Variants in DLGAP2 observed in about 807,000 individuals in gnomAD.
The protein encoded by DLGAP2 is DLG associated protein 2.
Under a neutral mutation model 100.3 loss-of-function variants are expected in DLGAP2, and 26 were observed. That is an observed-to-expected ratio of 0.26 (90% CI 0.19 to 0.36). The LOEUF is 0.36. Among genes scored for constraint, DLGAP2 ranks in the 10% least tolerant of loss-of-function variants. DLGAP2 has a pLI of 1.00. For synonymous variants in DLGAP2, 886 were observed against 630.1 expected, an observed-to-expected ratio of 1.41 and a Z score of -6.08; for missense variants, 1,858 against 1,453.2, an observed-to-expected ratio of 1.28 and a Z score of -4.53.
intron 3 of DLGAP2, among the ~76,000 whole-genome samples, chr8:1,431,750 C>T (rs934933006): frequency 3.5e-5 from 5 of 143,270 alleles, no homozygotes; most frequent in Admixed American, 1.4e-4. Context: ...ACTCAGCCTT[C>T]CTTTTCTTTA....
intron 1 of DLGAP2, among the ~76,000 whole-genome samples, chr8:866,896 A>G (rs879843428): frequency 3.3e-5 from 5 of 152,038 alleles, no homozygotes; most frequent in Admixed American, 3.3e-4. Context: ...TCGCCCCAAC[A>G]TGCCACGTTC....
intron 2 of DLGAP2, among the ~76,000 whole-genome samples, chr8:1,063,039 C>G (rs1191825058): frequency 1.3e-5 from 2 of 152,182 alleles, no homozygotes; most frequent in African/African-American, 4.8e-5. Context: ...CTGTGTTTTT[C>G]TATGCAAGCA....
chr8:1,629,104 C>G (rs750224908), intron 7 of DLGAP2, among the ~76,000 whole-genome samples: 1 of 152,328 alleles, frequency 6.6e-6, no homozygotes, highest in East Asian at 1.9e-4. Context: ...TCAGTAAGCA[C>G]AAGTCTTTCT....
At chr8:750,209 C>G (rs1038847861) in intron 1 of DLGAP2, among the ~76,000 whole-genome samples, 21 of 152,348 alleles carry the variant, frequency 1.4e-4, no homozygotes, top group South Asian at 2.1e-4. Context: ...CCAGAGCTCT[C>G]TCTAGACACG....
chr8:1,010,333 C>T (rs1475991289), intron 2 of DLGAP2, among the ~76,000 whole-genome samples: 1 of 150,882 alleles, frequency 6.6e-6, no homozygotes, highest in African/African-American at 2.4e-5. Context: ...ACACATGTGC[C>T]CACATATGCA....
intron 2 of DLGAP2, among the ~76,000 whole-genome samples, chr8:1,223,879 C>G (rs191186722): frequency 6.6e-6 from 1 of 152,330 alleles, no homozygotes; most frequent in Admixed American, 6.5e-5. Context: ...GTTCTGTTCT[C>G]TAGCAAACAA....
intron 2 of DLGAP2, among the ~76,000 whole-genome samples, chr8:1,032,283 C>T (rs1317386193): frequency 2.6e-5 from 4 of 152,182 alleles, no homozygotes; most frequent in Admixed American, 2.0e-4. Context: ...AGTGGGCGGC[C>T]GGCGGGCAGC....
intron 1 of DLGAP2, among the ~76,000 whole-genome samples, chr8:889,347 G>A (rs1052004737): frequency 2.6e-5 from 4 of 152,120 alleles, no homozygotes; most frequent in African/African-American, 9.7e-5. Context: ...TTCACTGCAG[G>A]GAAGCACATG....
At chr8:810,751 T>G (rs1796355353) in intron 1 of DLGAP2, among the ~76,000 whole-genome samples, 1 of 152,254 alleles carries the variant, frequency 6.6e-6, no homozygotes, top group Non-Finnish European at 1.5e-5. Flanking sequence ...AATCAGTTCC[T>G]TCATCTTATC....
At chr8:1,455,184 G>C (rs1355182632) in intron 3 of DLGAP2, among the ~76,000 whole-genome samples, 1 of 152,254 alleles carries the variant, frequency 6.6e-6, no homozygotes, top group Non-Finnish European at 1.5e-5. Flanking sequence ...GGGAGATGCT[G>C]GCATCAAGTC....
intron 2 of DLGAP2, among the ~76,000 whole-genome samples, chr8:1,050,086 TCACA>T (rs936379092): frequency 3.3e-5 from 5 of 152,206 alleles, no homozygotes; most frequent in Non-Finnish European, 7.3e-5. Context: ...GCACAGGCAG[TCACA>T]CACATACATA....
intron 12 of DLGAP2, among the ~76,000 whole-genome samples, chr8:1,683,870 G>C (rs767294618): frequency 1.0e-5 from 1 of 95,532 alleles, no homozygotes. Flanking sequence ...GTGTGTGTGT[G>C]TGTGTGTGTG....
intron 13 of DLGAP2, among the ~76,000 whole-genome samples, chr8:1,695,237 C>G (rs955803245): frequency 6.6e-6 from 1 of 151,860 alleles, no homozygotes; most frequent in Non-Finnish European, 1.5e-5. Flanking sequence ...ACAGCCATGA[C>G]CGGCCCTACA....
chr8:1,000,117 G>T (rs1471359504), intron 2 of DLGAP2, among the ~76,000 whole-genome samples: 1 of 148,904 alleles, frequency 6.7e-6, no homozygotes, highest in Non-Finnish European at 1.5e-5. Context: ...CTCTAGAGCA[G>T]ACAGATCCGG....
intron 3 of DLGAP2, among the ~76,000 whole-genome samples, chr8:1,392,637 G>C (rs1032638362): frequency 6.6e-6 from 1 of 152,202 alleles, no homozygotes; most frequent in Non-Finnish European, 1.5e-5. Flanking sequence ...GTGGAAACCC[G>C]TGGGGAGTCC....
intron 2 of DLGAP2, among the ~76,000 whole-genome samples, chr8:938,439 A>G (rs1450460989): frequency 6.6e-6 from 1 of 152,148 alleles, no homozygotes; most frequent in Non-Finnish European, 1.5e-5. Context: ...CAAGTTCTCA[A>G]GGGGACGGAG....
intron 2 of DLGAP2, among the ~76,000 whole-genome samples, chr8:1,046,170 G>A (rs2600515): frequency 0.039 from 5,888 of 152,244 alleles, 374 homozygotes; most frequent in African/African-American, 0.13. Flanking sequence ...TATTTCTGAA[G>A]GCTAATGTGG....
At chr8:764,158 G>C (rs1210768274) in intron 1 of DLGAP2, among the ~76,000 whole-genome samples, 1 of 152,160 alleles carries the variant, frequency 6.6e-6, no homozygotes, top group South Asian at 2.1e-4. Context: ...AATTGGGCCA[G>C]GGCTCAGCAC....
At chr8:1,358,089 C>G (rs990037958) in intron 3 of DLGAP2, among the ~76,000 whole-genome samples, 1 of 152,148 alleles carries the variant, frequency 6.6e-6, no homozygotes, top group Non-Finnish European at 1.5e-5. Flanking sequence ...ACGCAGCCCC[C>G]TCCCAGGAGG....
Sources: gnomAD v4.1 joint callset for allele counts (sites outside exome capture counted in the v4.1 genomes callset) on GRCh38, gnomAD v4.1.1 for gene constraint, MANE v1.5 for transcripts, NCBI Gene and HGNC (gene_info 2026-07-23, HGNC 2026-07-21) for gene names.